The following DLG1 variants were observed in gnomAD, a reference collection of about 807,000 sequenced individuals.
DLG1 encodes discs large MAGUK scaffold protein 1, also known as disks large homolog 1.
Under a neutral mutation model 123.4 loss-of-function variants are expected in DLG1, and 42 were observed. The observed-to-expected ratio is 0.34, with a 90% confidence interval of 0.27 to 0.44. The LOEUF (loss-of-function observed/expected upper bound fraction) is 0.44, where lower values mean the gene tolerates loss of function less well. DLG1 is among the 20% of genes least tolerant of loss of function. DLG1 has a pLI of 1.00. For synonymous variants in DLG1, 317 were observed against 356.2 expected, an observed-to-expected ratio of 0.89 and a Z score of 1.24; for missense variants, 942 against 1,082.6, an observed-to-expected ratio of 0.87 and a Z score of 1.82.
At chr3:197,177,888 C>T (rs1048995364) in intron 5 of DLG1, among the ~76,000 whole-genome samples, 2 of 152,000 alleles carry the variant, frequency 1.3e-5, no homozygotes, top group East Asian at 3.9e-4. Flanking sequence ...AAGTGTGATG[C>T]GCGCTTCACA....
intron 4 of DLG1, among the ~76,000 whole-genome samples, chr3:197,237,758 C>A (rs532094651): frequency 6.6e-6 from 1 of 152,308 alleles, no homozygotes; most frequent in East Asian, 1.9e-4. Context: ...ATTTTCCCCA[C>A]TATCCAGCAG....
At chr3:197,115,138 T>A (rs1772494532) in intron 13 of DLG1, among the ~76,000 whole-genome samples, 1 of 151,826 alleles carries the variant, frequency 6.6e-6, no homozygotes, top group African/African-American at 2.4e-5. Context: ...ACAAAAATTG[T>A]ATGACCTGTG....
chr3:197,097,769 CAG>C (rs1029448701), intron 14 of DLG1, among the ~76,000 whole-genome samples: 40 of 151,754 alleles, frequency 2.6e-4, no homozygotes, highest in African/African-American at 8.9e-4. Flanking sequence ...TTAGTAGAGA[CAG>C]GGGTTTCACC....
At chr3:197,050,418 CAACA>C (rs2148696542) in intron 24 of DLG1, among the ~76,000 whole-genome samples, 1 of 151,054 alleles carries the variant, frequency 6.6e-6, no homozygotes, top group African/African-American at 2.4e-5. Flanking sequence ...CAACAAACAA[CAACA>C]AATATATATA....
At chr3:197,122,286 A>G (rs1400835032) in intron 11 of DLG1, among the ~76,000 whole-genome samples, 1 of 152,122 alleles carries the variant, frequency 6.6e-6, no homozygotes, top group East Asian at 1.9e-4. Context: ...AACTCCCCAT[A>G]AACCAGGAAT....
chr3:197,124,477 G>T (rs867041254), intron 11 of DLG1, among the ~76,000 whole-genome samples: 42 of 152,028 alleles, frequency 2.8e-4, no homozygotes, highest in Middle Eastern at 3.4e-3. Context: ...GGTTTCACTG[G>T]GTTAGCCAGG....
chr3:197,110,574 A>C (rs1384148172), intron 13 of DLG1, among the ~76,000 whole-genome samples: 1 of 152,206 alleles, frequency 6.6e-6, no homozygotes, highest in East Asian at 1.9e-4. Context: ...CGCTTGTCTC[A>C]AAATTTTATG....
intron 4 of DLG1, among the ~76,000 whole-genome samples, chr3:197,221,896 T>A (rs1737281743): frequency 6.6e-6 from 1 of 152,220 alleles, no homozygotes; most frequent in Non-Finnish European, 1.5e-5. Flanking sequence ...CTGAAGATAC[T>A]CAAGTCCCCT....
rs759793588 is a variant in DLG1, at chr3:197,069,259, C to G, written c.2007G>C (p.Gln669His). ...QSEQETSDAD[Q>H]HVTSNASDSE... ...TATCGCTGGCATTAGAAGTTACATG[C>G]TCTGAAATTGCAGGACAATGAAAAA... Residue 669 changes from glutamine (Q) to histidine (H), a missense_variant and splice_region_variant, in exon 19 of 25, where the codon CAG becomes CAC. Transcript: ENST00000667157. 5 of 1,583,928 alleles carry G rather than the reference C, an allele frequency of 3.2e-6. No homozygotes were observed. The highest frequency in any genetic ancestry group is 4.3e-6 in the Non-Finnish European group (5 of 1,164,268).
At position 197,119,442 on chromosome 3, in the gene DLG1, A is replaced by T. The variant is rs1018713607; in HGVS notation, c.1254T>A (p.Ser418=). 2 of 1,610,298 alleles carry T rather than the reference A, an allele frequency of 1.2e-6. No homozygotes were observed. The highest frequency in any genetic ancestry group is 2.7e-5 in the African/African-American group (2 of 74,814). Residue 418 remains serine, a synonymous_variant, in exon 12 of 25, where the codon TCT becomes TCA. Transcript: ENST00000667157. ...TTTCATCATCTCCAAGTACTGCTTTAGAAACTGGGGAGTATCTGGCTGGAG... is the reference window on the plus strand; with the variant it reads ...TTTCATCATCTCCAAGTACTGCTTTTGAAACTGGGGAGTATCTGGCTGGAG... ...PASPARYSPV[S]KAVLGDDEIT...
intron 4 of DLG1, among the ~76,000 whole-genome samples, chr3:197,230,763 C>A (rs1483883421): frequency 1.3e-5 from 2 of 152,154 alleles, no homozygotes; most frequent in African/African-American, 4.8e-5. Flanking sequence ...GTAATTCCTA[C>A]AGAGCAGAGG....
intron 5 of DLG1, among the ~76,000 whole-genome samples, chr3:197,155,823 C>G (rs893902505): frequency 2.6e-5 from 4 of 152,016 alleles, no homozygotes; most frequent in African/African-American, 9.7e-5. Context: ...TAGGCACATG[C>G]CTGTAGTCAT....
At chr3:197,140,334 G>C in intron 7 of DLG1, 70 bp from the exon 8 acceptor site, 1 of 1,508,920 alleles carries the variant, frequency 6.6e-7, no homozygotes, top group Non-Finnish European at 9.1e-7. Context: ...TGTCATTAAA[G>C]GACGCAGAAA....
chr3:197,198,769 C>CT (rs1724037673), intron 4 of DLG1, among the ~76,000 whole-genome samples: 1 of 152,038 alleles, frequency 6.6e-6, no homozygotes. Context: ...AAAAAAAAGA[C>CT]TGATAGGTGC....
chr3:197,168,025 T>A (rs964244116), intron 5 of DLG1, among the ~76,000 whole-genome samples: 1 of 152,250 alleles, frequency 6.6e-6, no homozygotes, highest in Admixed American at 6.5e-5. Context: ...ATGTCAAATT[T>A]CAAAGCAAAG....
chr3:197,269,418 A>T (rs527497619), intron 4 of DLG1, among the ~76,000 whole-genome samples: 37 of 152,290 alleles, frequency 2.4e-4, no homozygotes, highest in African/African-American at 6.3e-4. Flanking sequence ...TAGCTTTTTT[A>T]AAAAAATAAA....
intron 19 of DLG1, 101 bp downstream of exon 19, chr3:197,069,118 A>G (rs183432593): frequency 1.3e-5 from 9 of 691,518 alleles, no homozygotes; most frequent in African/African-American, 1.9e-5. Context: ...TAACGATCAT[A>G]TAACTTCAGG....
rs572969092 is a variant in DLG1 at position 197,211,480 on chromosome 3, T to C, written c.319-16891A>G. Among the ~76,000 whole-genome samples the C allele has an allele frequency of 3.4e-5, 5 of 146,676 alleles. 1 individual carries two copies. The East Asian group carries it at 9.8e-4, about 29-fold the overall frequency. ...GCTTCATCCCGGGATGCAAGGCTGG[T>C]TCAATACACGCCAATCAATAAATGT... On this transcript the variant is annotated intron_variant, in intron 4 of 24. Coordinates refer to ENST00000667157, the MANE Select transcript of DLG1 (RefSeq NM_001366207.1).
intron 6 of DLG1, among the ~76,000 whole-genome samples, chr3:197,148,520 G>C (rs1183462852): frequency 6.7e-6 from 1 of 149,966 alleles, no homozygotes; most frequent in Non-Finnish European, 1.5e-5. Flanking sequence ...AGGAATTAAA[G>C]AAATATACCC....
Sources: allele counts gnomAD v4.1 joint callset (sites outside exome capture counted in the v4.1 genomes callset), GRCh38; gene constraint gnomAD v4.1.1; transcripts MANE v1.5; gene names NCBI Gene and HGNC (gene_info 2026-07-23, HGNC 2026-07-21).